The following CDH10 variants were observed in gnomAD, a reference collection of about 807,000 sequenced individuals.
CDH10 encodes cadherin-10.
In CDH10, 30 loss-of-function variants were observed where a neutral mutation model predicts 73.1. The observed-to-expected ratio is 0.41, with a 90% CI of 0.31 to 0.56. CDH10 has a LOEUF of 0.56. Ranked by LOEUF, CDH10 falls within the 20% of genes least tolerant of loss-of-function variation. The probability of loss-of-function intolerance (pLI) is 0.27; values close to 1 mark genes in which losing one functional copy is unlikely to be tolerated. For missense variants in CDH10, 815 were observed against 973.7 expected (o/e 0.84, Z 2.17); for synonymous variants, 345 against 348.2 (o/e 0.99, Z 0.10).
intron 5 of CDH10, among the ~76,000 whole-genome samples, chr5:24,521,251 G>T (rs1160920965): frequency 1.3e-5 from 2 of 152,144 alleles, no homozygotes; most frequent in Non-Finnish European, 2.9e-5. Flanking sequence ...TATGTTTAAA[G>T]AAGTAAAAGT....
chr5:24,629,531 T>C (rs1202347487), intron 1 of CDH10, among the ~76,000 whole-genome samples: 1 of 151,254 alleles, frequency 6.6e-6, no homozygotes, highest in Non-Finnish European at 1.5e-5. Context: ...AAGGAAGTGA[T>C]AGAGTTTGGC....
chr5:24,511,092 T>C (rs188934852), intron 6 of CDH10, among the ~76,000 whole-genome samples: 7 of 152,338 alleles, frequency 4.6e-5, no homozygotes, highest in Non-Finnish European at 8.8e-5. Context: ...ATATATTAAC[T>C]TGCCTTTTAT....
At chr5:24,629,519 AGAAG>A (rs1747631167) in intron 1 of CDH10, among the ~76,000 whole-genome samples, 1 of 151,450 alleles carries the variant, frequency 6.6e-6, no homozygotes, top group African/African-American at 2.4e-5. Flanking sequence ...TTTAGCTTAA[AGAAG>A]GAAGTGATAG....
chr5:24,586,994 G>A (rs1465039264), intron 2 of CDH10, among the ~76,000 whole-genome samples: 2 of 151,302 alleles, frequency 1.3e-5, no homozygotes, highest in Non-Finnish European at 2.9e-5. Flanking sequence ...ACAGGCGCCC[G>A]CCACCGTGCC....
In CDH10 at chr5:24,487,746, A is replaced by G. The variant is rs760264187; in HGVS notation, c.2284T>C (p.Tyr762His). 1 of 1,613,736 alleles carries G rather than the reference A, an allele frequency of 6.2e-7. No homozygotes were observed. Among genetic ancestry groups the G allele is most frequent in the South Asian group, 1.1e-5 (1 of 91,058 alleles). Residue 762 changes from tyrosine (Y) to histidine (H), a missense_variant, in exon 12 of 12, where the codon TAC (tyrosine) becomes CAC (histidine). Coordinates refer to ENST00000264463, the MANE Select transcript of CDH10 (RefSeq NM_006727.5). Reference protein sequence around the residue: ...ESGTTEGDQNYDYLREWGPRF... With the variant: ...ESGTTEGDQNHDYLREWGPRF... ...GGGCCCCATTCTCGGAGGTAATCGTAGTTTTGGTCTCCTTCAGTAGTACCT... is the reference window on the plus strand; with the variant it reads ...GGGCCCCATTCTCGGAGGTAATCGTGGTTTTGGTCTCCTTCAGTAGTACCT...
chr5:24,631,461 T>C (rs182466625), intron 1 of CDH10, among the ~76,000 whole-genome samples: 19 of 152,084 alleles, frequency 1.2e-4, no homozygotes, highest in South Asian at 2.1e-4. Context: ...TCAGGAAGAA[T>C]TGGAGAGGGA....
At chr5:24,605,689 T>C (rs758223830) in intron 1 of CDH10, among the ~76,000 whole-genome samples, 1 of 152,212 alleles carries the variant, frequency 6.6e-6, no homozygotes, top group Non-Finnish European at 1.5e-5. Context: ...GTACTAATCA[T>C]TTGATACAAT....
intron 5 of CDH10, among the ~76,000 whole-genome samples, chr5:24,517,698 G>A (rs1280379125): frequency 6.6e-6 from 1 of 152,110 alleles, no homozygotes; most frequent in Non-Finnish European, 1.5e-5. Context: ...AAAAACTCAA[G>A]TCCAAATTGA....
intron 1 of CDH10, among the ~76,000 whole-genome samples, chr5:24,594,738 TC>T (rs1386572370): frequency 6.6e-6 from 1 of 152,014 alleles, no homozygotes; most frequent in Non-Finnish European, 1.5e-5. Flanking sequence ...TTCAGGTCTT[TC>T]TTTAAAACCA....
chr5:24,578,029 G>C (rs4701451), intron 2 of CDH10, among the ~76,000 whole-genome samples: 1 of 152,106 alleles, frequency 6.6e-6, no homozygotes, highest in Non-Finnish European at 1.5e-5. Context: ...GTAATGGAGA[G>C]GACAAATACC....
Position 24,537,571 on chromosome 5 carries a change from T to G in CDH10, c.335A>C (p.His112Pro). The change falls in exon 3 of 12, where the codon CAT (histidine) becomes CCT (proline). Residue 112 changes from histidine (H) to proline (P), a missense_variant. Around this residue, in one of 3 missense-constraint regions of CDH10, gnomAD observed 516 missense variants for 636.6 expected, o/e 0.81. Coordinates refer to ENST00000264463, the MANE Select transcript of CDH10 (RefSeq NM_006727.5). ...FIIDEKTGDI[H>P]ATRRIDREEK... ...CTCCCTATCAATTCGCCTTGTGGCA[T>G]GAATATCACCTGTTTTTTCATCAAT... The G allele has an allele frequency of 1.2e-6, 2 of 1,612,300 alleles. No individual in the cohort carries two copies. The highest frequency in any genetic ancestry group is 1.7e-6 in the Non-Finnish European group (2 of 1,178,526).
At chr5:24,500,874 C>T (rs1489983340) in intron 8 of CDH10, among the ~76,000 whole-genome samples, 1 of 152,052 alleles carries the variant, frequency 6.6e-6, no homozygotes, top group Non-Finnish European at 1.5e-5. Flanking sequence ...TTCTACCATT[C>T]AAGTGAGTCT....
chr5:24,547,370 G>GAATT (rs1467559981), intron 2 of CDH10, among the ~76,000 whole-genome samples: 2 of 152,150 alleles, frequency 1.3e-5, no homozygotes, highest in Admixed American at 1.3e-4. Flanking sequence ...TGAGAGAAGA[G>GAATT]AATTGTACAG....
At chr5:24,539,582 A>C (rs943821609) in intron 2 of CDH10, among the ~76,000 whole-genome samples, 1 of 152,070 alleles carries the variant, frequency 6.6e-6, no homozygotes, top group African/African-American at 2.4e-5. Context: ...ATACAGATAT[A>C]ATAGATTAAG....
intron 2 of CDH10, among the ~76,000 whole-genome samples, chr5:24,538,824 T>G (rs2111902695): frequency 6.6e-6 from 1 of 152,212 alleles, no homozygotes; most frequent in South Asian, 2.1e-4. Flanking sequence ...TATAGAATTC[T>G]TACTCTGAAA....
At chr5:24,634,895 C>T (rs1270148862) in intron 1 of CDH10, among the ~76,000 whole-genome samples, 1 of 151,120 alleles carries the variant, frequency 6.6e-6, no homozygotes, top group African/African-American at 2.4e-5. Context: ...TTTATGAACC[C>T]ATATAAATGT....
chr5:24,578,539 A>G, intron 2 of CDH10: 1 of 301,860 alleles, frequency 3.3e-6, no homozygotes, highest in Non-Finnish European at 6.7e-6. Flanking sequence ...GAACTGCTGG[A>G]AACTCCTGCT....
chr5:24,628,867 C>CACAG (rs1694594158), intron 1 of CDH10, among the ~76,000 whole-genome samples: 2 of 149,228 alleles, frequency 1.3e-5, no homozygotes, highest in Admixed American at 1.3e-4. Flanking sequence ...CACACACACA[C>CACAG]ACACACAGAC....
At chr5:24,535,508 T>C (rs896305192) in intron 4 of CDH10, among the ~76,000 whole-genome samples, 195 bp downstream of exon 4, 1 of 152,116 alleles carries the variant, frequency 6.6e-6, no homozygotes, top group Non-Finnish European at 1.5e-5. Flanking sequence ...TGCTTATATG[T>C]TCAAATATCT....
Sources: allele counts gnomAD v4.1 joint callset (sites outside exome capture counted in the v4.1 genomes callset), GRCh38; gene constraint gnomAD v4.1.1; regional missense constraint gnomAD v4.1.1; transcripts MANE v1.5; gene names NCBI Gene and HGNC (gene_info 2026-07-23, HGNC 2026-07-21).